The following CTNNA3 variants were observed in gnomAD, a reference collection of about 807,000 sequenced individuals.
CTNNA3 encodes catenin alpha 3, also known as catenin alpha-3.
A neutral mutation model predicts 95.7 loss-of-function variants in CTNNA3; 76 were observed. The ratio of observed to expected loss-of-function variants is 0.79; its 90% CI spans 0.66 to 0.96. CTNNA3 has a LOEUF of 0.96. Among genes scored for constraint, CTNNA3 ranks in the 40% least tolerant of loss-of-function variants. The probability of loss-of-function intolerance (pLI) is 0.00; values close to 1 mark genes in which losing one functional copy is unlikely to be tolerated. For synonymous variants in CTNNA3, 431 were observed against 374.4 expected, an observed-to-expected ratio of 1.15 and a Z score of -1.74; for missense variants, 1,191 against 1,089.8, an observed-to-expected ratio of 1.09 and a Z score of -1.31.
intron 7 of CTNNA3, among the ~76,000 whole-genome samples, chr10:66,808,199 AG>A (rs375697276): frequency 8.3e-4 from 127 of 152,256 alleles, no homozygotes; most frequent in Middle Eastern, 3.4e-3. Context: ...ACTGCTAAGA[AG>A]TCAACTCCAT....
chr10:66,359,325 A>G (rs2092635967), intron 12 of CTNNA3, among the ~76,000 whole-genome samples: 1 of 152,070 alleles, frequency 6.6e-6, no homozygotes, highest in African/African-American at 2.4e-5. Flanking sequence ...TTTATTATAG[A>G]AGGAGATGGG....
chr10:67,440,563 T>C (rs1195495350), intron 5 of CTNNA3, among the ~76,000 whole-genome samples: 3 of 152,152 alleles, frequency 2.0e-5, no homozygotes, highest in Non-Finnish European at 4.4e-5. Context: ...GTCTGACCTC[T>C]GTAGTCCCAG....
At chr10:66,583,719 G>C (rs1201902110) in intron 10 of CTNNA3, among the ~76,000 whole-genome samples, 1 of 151,298 alleles carries the variant, frequency 6.6e-6, no homozygotes, top group East Asian at 1.9e-4. Context: ...TCTTCTGCTA[G>C]CTTTAGGTAT....
intron 3 of CTNNA3, among the ~76,000 whole-genome samples, chr10:67,584,633 T>A (rs181519846): frequency 6.6e-6 from 1 of 152,226 alleles, no homozygotes; most frequent in Non-Finnish European, 1.5e-5. Flanking sequence ...AAGTTTCTGC[T>A]GCCTTTTGTT....
At chr10:66,361,143 T>C (rs2092671295) in intron 12 of CTNNA3, among the ~76,000 whole-genome samples, 1 of 150,932 alleles carries the variant, frequency 6.6e-6, no homozygotes, top group African/African-American at 2.4e-5. Flanking sequence ...TTTTTGTTTT[T>C]TTTTTAGTAG....
intron 13 of CTNNA3, among the ~76,000 whole-genome samples, chr10:66,194,131 A>G (rs1458937561): frequency 6.6e-6 from 1 of 152,238 alleles, no homozygotes; most frequent in African/African-American, 2.4e-5. Flanking sequence ...TTAAGAGGCC[A>G]CAGATTTGGG....
intron 7 of CTNNA3, among the ~76,000 whole-genome samples, chr10:67,080,113 G>A (rs1313767746): frequency 1.3e-5 from 2 of 152,150 alleles, no homozygotes; most frequent in East Asian, 1.9e-4. Context: ...AGAACCAGAA[G>A]GGGTGACAGC....
At chr10:67,727,170 GATAC>G (rs1328850807) in intron 1 of CTNNA3, among the ~76,000 whole-genome samples, 3 of 119,794 alleles carry the variant, frequency 2.5e-5, no homozygotes, top group African/African-American at 9.7e-5. Flanking sequence ...TATAATATAT[GATAC>G]ATATATTATA....
intron 5 of CTNNA3, among the ~76,000 whole-genome samples, chr10:67,349,686 AAGT>A (rs2132639838): frequency 6.6e-6 from 1 of 152,280 alleles, no homozygotes; most frequent in Non-Finnish European, 1.5e-5. Flanking sequence ...AATTTGTTGA[AAGT>A]AGATCTCATA....
At chr10:66,188,814 C>A (rs2131878005) in intron 13 of CTNNA3, among the ~76,000 whole-genome samples, 1 of 152,134 alleles carries the variant, frequency 6.6e-6, no homozygotes, top group East Asian at 1.9e-4. Flanking sequence ...ATACTGTTTT[C>A]CACAATGGCT....
At chr10:66,491,390 C>T (rs1327240212) in intron 11 of CTNNA3, among the ~76,000 whole-genome samples, 1 of 152,104 alleles carries the variant, frequency 6.6e-6, no homozygotes, top group African/African-American at 2.4e-5. Flanking sequence ...CCAGCTGAAA[C>T]AGTTTACAAA....
chr10:66,547,803 TGA>T (rs1842085682), intron 10 of CTNNA3, among the ~76,000 whole-genome samples: 1 of 152,224 alleles, frequency 6.6e-6, no homozygotes, highest in Non-Finnish European at 1.5e-5. Flanking sequence ...ATAGTTAGAT[TGA>T]GAAATACAGA....
At chr10:66,118,878 G>A (rs895848241) in intron 13 of CTNNA3, among the ~76,000 whole-genome samples, 3 of 152,084 alleles carry the variant, frequency 2.0e-5, no homozygotes, top group African/African-American at 7.2e-5. Context: ...CTGTGTTTGT[G>A]TGTCACACTA....
chr10:66,453,737 T>C (rs1295159228), intron 11 of CTNNA3, among the ~76,000 whole-genome samples: 1 of 152,204 alleles, frequency 6.6e-6, no homozygotes, highest in Non-Finnish European at 1.5e-5. Flanking sequence ...GGATGCTAGA[T>C]GTAATTATCA....
intron 7 of CTNNA3, among the ~76,000 whole-genome samples, chr10:66,854,443 C>T (rs1397974666): frequency 6.6e-6 from 1 of 151,778 alleles, no homozygotes; most frequent in African/African-American, 2.4e-5. Context: ...TAGGATTCGA[C>T]AAACAAGTAA....
At chr10:66,612,631 C>A (rs1443373840) in intron 10 of CTNNA3, among the ~76,000 whole-genome samples, 1 of 152,028 alleles carries the variant, frequency 6.6e-6, no homozygotes, top group Non-Finnish European at 1.5e-5. Flanking sequence ...AAGGTTGATC[C>A]CCACCACTGT....
At chr10:66,929,286 A>G (rs1450574328) in intron 7 of CTNNA3, among the ~76,000 whole-genome samples, 1 of 152,206 alleles carries the variant, frequency 6.6e-6, no homozygotes, top group East Asian at 1.9e-4. Context: ...CACACCTCAC[A>G]TTAGTTAGGG....
intron 1 of CTNNA3, among the ~76,000 whole-genome samples, chr10:67,655,896 G>A (rs1236857982): frequency 1.3e-5 from 2 of 151,682 alleles, no homozygotes; most frequent in African/African-American, 4.8e-5. Context: ...GGAATAATGT[G>A]AAGGATTGAA....
At chr10:67,623,628 G>C (rs1843924394) in intron 2 of CTNNA3, among the ~76,000 whole-genome samples, 1 of 152,110 alleles carries the variant, frequency 6.6e-6, no homozygotes, top group Non-Finnish European at 1.5e-5. Context: ...ATTTTCATAG[G>C]AATTGTGTGT....
Sources: allele counts gnomAD v4.1 joint callset (sites outside exome capture counted in the v4.1 genomes callset), GRCh38; gene constraint gnomAD v4.1.1; transcripts MANE v1.5; gene names NCBI Gene and HGNC (gene_info 2026-07-23, HGNC 2026-07-21).